The following DOCK3 variants were observed in gnomAD, a reference collection of about 807,000 sequenced individuals.
DOCK3 encodes the protein dedicator of cytokinesis protein 3.
In DOCK3, 60 loss-of-function variants were observed where a neutral mutation model predicts 265.6. The ratio of observed to expected loss-of-function variants is 0.23; its 90% CI spans 0.18 to 0.28. DOCK3 has a LOEUF of 0.28. Among genes scored for constraint, DOCK3 ranks in the 10% least tolerant of loss-of-function variants. The probability of loss-of-function intolerance (pLI) is 1.00; values close to 1 mark genes in which losing one functional copy is unlikely to be tolerated. For synonymous variants in DOCK3, 881 were observed against 938.0 expected (o/e 0.94, Z 1.11); for missense variants, 1,981 against 2,594.3 (o/e 0.76, Z 5.14).
chr3:51,182,216 C>T (rs942701666), intron 12 of DOCK3, among the ~76,000 whole-genome samples: 11 of 152,210 alleles, frequency 7.2e-5, no homozygotes, highest in African/African-American at 1.7e-4. Flanking sequence ...TGTATGACCT[C>T]GGGCAAGGGT....
At chr3:51,039,883 C>CT (rs60370676) in intron 5 of DOCK3, among the ~76,000 whole-genome samples, 108 of 99,850 alleles carry the variant, frequency 1.1e-3, no homozygotes, top group Non-Finnish European at 1.3e-3. Context: ...GCTTTGAGGT[C>CT]TTTTTTTTTT....
chr3:50,826,633 G>A (rs1180395811), intron 2 of DOCK3, among the ~76,000 whole-genome samples: 9 of 152,196 alleles, frequency 5.9e-5, no homozygotes, highest in African/African-American at 2.2e-4. Context: ...ACTGCACAGG[G>A]TGAAGAAAGA....
At chr3:50,934,347 C>T (rs2051239339) in intron 5 of DOCK3, among the ~76,000 whole-genome samples, 1 of 151,978 alleles carries the variant, frequency 6.6e-6, no homozygotes, top group Admixed American at 6.6e-5. Flanking sequence ...TTGTTGTGTC[C>T]CCAGATGCTT....
At chr3:51,370,530 T>G (rs759447282) in intron 49 of DOCK3, among the ~76,000 whole-genome samples, 1 of 152,256 alleles carries the variant, frequency 6.6e-6, no homozygotes, top group Non-Finnish European at 1.5e-5. Flanking sequence ...GGCTGGCGGT[T>G]ACCACCTTTT....
At chr3:51,019,772 C>T (rs949146671) in intron 5 of DOCK3, among the ~76,000 whole-genome samples, 1 of 151,866 alleles carries the variant, frequency 6.6e-6, no homozygotes, top group African/African-American at 2.4e-5. Flanking sequence ...TAATGGCTTC[C>T]AACTCCATTC....
chr3:51,267,381 CTTTCT>C (rs1265510712), intron 23 of DOCK3, among the ~76,000 whole-genome samples: 1 of 146,648 alleles, frequency 6.8e-6, no homozygotes, highest in African/African-American at 2.5e-5. Context: ...TGGTTTTTTT[CTTTCT>C]TTTTTTTTTT....
At chr3:51,047,347 T>G (rs1006042645) in intron 5 of DOCK3, among the ~76,000 whole-genome samples, 4 of 151,848 alleles carry the variant, frequency 2.6e-5, no homozygotes, top group Admixed American at 6.6e-5. Context: ...ATGGCACATG[T>G]ATACATATGT....
intron 12 of DOCK3, among the ~76,000 whole-genome samples, chr3:51,190,193 C>T (rs996394217): frequency 2.6e-5 from 4 of 152,194 alleles, no homozygotes; most frequent in Non-Finnish European, 4.4e-5. Flanking sequence ...TGTACTCCCC[C>T]TTTCCATAAG....
intron 2 of DOCK3, among the ~76,000 whole-genome samples, chr3:50,809,307 A>C (rs1373357180): frequency 6.6e-6 from 1 of 152,200 alleles, no homozygotes; most frequent in Non-Finnish European, 1.5e-5. Context: ...CTAGTGGCTC[A>C]AAAACATATG....
chr3:50,692,574 T>TA (rs1405571517), intron 1 of DOCK3, among the ~76,000 whole-genome samples: 1 of 152,224 alleles, frequency 6.6e-6, no homozygotes, highest in Non-Finnish European at 1.5e-5. Flanking sequence ...CACAGATTGA[T>TA]ATTAATTTGT....
chr3:51,223,933 A>G (rs1402117088), intron 14 of DOCK3, among the ~76,000 whole-genome samples: 1 of 152,122 alleles, frequency 6.6e-6, no homozygotes, highest in African/African-American at 2.4e-5. Context: ...GCTCTAAATA[A>G]TGTACCAGGA....
intron 2 of DOCK3, chr3:50,788,142 T>C: frequency 2.6e-6 from 2 of 770,438 alleles, no homozygotes; most frequent in Non-Finnish European, 4.1e-6. Flanking sequence ...TGTTACACTT[T>C]GGTGGACAGG....
At chr3:50,877,395 A>T in intron 3 of DOCK3, 1 of 518,950 alleles carries the variant, frequency 1.9e-6, no homozygotes, top group Admixed American at 1.9e-5. Context: ...CAGGGTCAAG[A>T]TTATAGCTGC....
At position 51,356,250 on chromosome 3, in the gene DOCK3, T is replaced by A. The variant is rs1434911008; in HGVS notation, c.4411T>A (p.Phe1471Ile). ...HKGPKDKENE[F>I]KSLWIERTTL... ...AGGCCCCAAGGACAAGGAGAATGAA[T>A]TCAAGGTGAACAAATCTAGGAAAAC... The change falls in exon 42 of 53, where the codon TTC (phenylalanine) becomes ATC (isoleucine). Residue 1471 changes from phenylalanine (F) to isoleucine (I), a missense_variant. Around this residue, in one of 4 missense-constraint regions of DOCK3, gnomAD observed 1,357 missense variants for 1,866.8 expected, o/e 0.73. Coordinates refer to ENST00000266037, the MANE Select transcript of DOCK3 (RefSeq NM_004947.5). The A allele has an allele frequency of 6.3e-7, 1 of 1,589,192 alleles. No individual in the cohort carries two copies. The highest frequency in any genetic ancestry group is 1.5e-5 in the African/African-American group (1 of 66,022).
chr3:51,247,265 A>G (rs1205437109), intron 22 of DOCK3, among the ~76,000 whole-genome samples: 2 of 152,166 alleles, frequency 1.3e-5, no homozygotes, highest in African/African-American at 4.8e-5. Flanking sequence ...AGAAGAAGGG[A>G]ATCTTAAAAC....
intron 5 of DOCK3, among the ~76,000 whole-genome samples, chr3:51,002,792 G>C (rs1410532683): frequency 6.6e-6 from 1 of 152,142 alleles, no homozygotes; most frequent in African/African-American, 2.4e-5. Flanking sequence ...GCTCCTCTCT[G>C]ACCCACTTAA....
At chr3:51,018,924 G>T (rs1345846959) in intron 5 of DOCK3, among the ~76,000 whole-genome samples, 2 of 151,784 alleles carry the variant, frequency 1.3e-5, no homozygotes, top group Non-Finnish European at 2.9e-5. Flanking sequence ...TGTATATATT[G>T]TTAGAAATAT....
intron 46 of DOCK3, among the ~76,000 whole-genome samples, 186 bp from the exon 47 acceptor site, chr3:51,360,325 G>A (rs928340311): frequency 3.3e-5 from 5 of 152,252 alleles, no homozygotes; most frequent in African/African-American, 9.6e-5. Flanking sequence ...TTCCAGTGCA[G>A]TTAGGAGGGT....
At chr3:51,275,324 C>CAGTGACA (rs1234811174) in intron 25 of DOCK3, 118 bp downstream of exon 25, 1 of 1,488,036 alleles carries the variant, frequency 6.7e-7, no homozygotes, top group African/African-American at 1.4e-5. Context: ...ATGCTTTCAT[C>CAGTGACA]AGTGACAGGA....
Sources: allele counts gnomAD v4.1 joint callset (sites outside exome capture counted in the v4.1 genomes callset), GRCh38; gene constraint gnomAD v4.1.1; regional missense constraint gnomAD v4.1.1; transcripts MANE v1.5; gene names NCBI Gene and HGNC (gene_info 2026-07-23, HGNC 2026-07-21).